The following SRGAP2 variants were observed in gnomAD, a reference collection of about 807,000 sequenced individuals.
The protein encoded by SRGAP2 is SLIT-ROBO Rho GTPase-activating protein 2.
Under a neutral mutation model 57.2 loss-of-function variants are expected in SRGAP2, and 15 were observed. That is an observed-to-expected ratio of 0.26 (90% CI 0.18 to 0.40). SRGAP2 has a LOEUF of 0.40. SRGAP2 is among the 10% of genes least tolerant of loss of function. SRGAP2 has a pLI of 1.00. For synonymous variants in SRGAP2, 249 were observed against 248.0 expected (o/e 1.00, Z -0.04); for missense variants, 520 against 669.6 (o/e 0.78, Z 2.47).
At chr1:206,439,342 G>C (rs1662062302) in intron 16 of SRGAP2, among the ~76,000 whole-genome samples, 1 of 151,702 alleles carries the variant, frequency 6.6e-6, no homozygotes, top group Non-Finnish European at 1.5e-5. Context: ...CATACCCAGG[G>C]GCCTGCTACC....
chr1:206,460,487 GC>G (rs1553380093), intron 22 of SRGAP2, among the ~76,000 whole-genome samples: 2 of 152,132 alleles, frequency 1.3e-5, no homozygotes, highest in Admixed American at 1.3e-4. Flanking sequence ...GGGAGGAGGG[GC>G]GGGGGGAGGC....
intron 2 of SRGAP2, among the ~76,000 whole-genome samples, chr1:206,240,079 C>G (rs562216572): frequency 4.6e-5 from 7 of 152,000 alleles, no homozygotes; most frequent in African/African-American, 1.7e-4. Flanking sequence ...GCCTGACTAA[C>G]ATGGTGAAAC....
At chr1:206,313,727 T>C (rs1672843792) in intron 3 of SRGAP2, among the ~76,000 whole-genome samples, 1 of 152,144 alleles carries the variant, frequency 6.6e-6, no homozygotes, top group South Asian at 2.1e-4. Flanking sequence ...GGTAGTTTGC[T>C]AAATGACAAG....
intron 9 of SRGAP2, among the ~76,000 whole-genome samples, chr1:206,406,086 ATAT>A (rs1446637043): frequency 1.9e-5 from 1 of 51,288 alleles, no homozygotes; most frequent in African/African-American, 8.2e-5. Flanking sequence ...TTGTTATATA[ATAT>A]TATAATAATG....
intron 2 of SRGAP2, among the ~76,000 whole-genome samples, chr1:206,254,441 GT>G (rs1210491700): frequency 7.1e-6 from 1 of 140,134 alleles, no homozygotes; most frequent in Non-Finnish European, 1.5e-5. Context: ...GTGACCAATA[GT>G]TTTTTTTCCT....
rs1663654185 is a variant in SRGAP2, at chr1:206,454,609, C to T, written c.2361-269C>T. The T allele has an allele frequency of 4.4e-6, 2 of 457,680 alleles. No homozygotes were observed. Among genetic ancestry groups the T allele is most frequent in the South Asian group, 3.2e-5 (1 of 30,840 alleles). 28.4% of individuals were successfully genotyped at this position (457,680 alleles called of 1,614,324 possible). ...AGCATGGGGTAGAAGGCAGATGCCT[C>T]GAATCCAGGTGTCCCCTAGCCACGC... On this transcript the variant is annotated intron_variant, in intron 20 of 22. Coordinates refer to ENST00000573034, the MANE Select transcript of SRGAP2 (RefSeq NM_015326.5). This position sits in a 1 kb window ranked among gnomAD's most constrained non-coding sequence, Gnocchi z 4.3.
At position 206,454,817 on chromosome 1, in the gene SRGAP2, G is replaced by T. The variant is rs984204284; in HGVS notation, c.2361-61G>T. On this transcript the variant is annotated intron_variant, in intron 20 of 22. Transcript: ENST00000573034. The surrounding 1 kb of genome is among the most constrained non-coding windows in gnomAD (Gnocchi z 4.3). The stretch of plus-strand genomic sequence containing the variant: ...CGGGGGGCCATCTTGCCGATTTAAC[G>T]CTGCTTTTTGTGTTGTTGTTGTTTT... The T allele has an allele frequency of 4.3e-6, 3 of 703,522 alleles. No individual in the cohort carries two copies. The highest frequency in any genetic ancestry group is 1.8e-5 in the African/African-American group (1 of 56,900). The allele number at this position is 703,522 out of a possible 1,614,324, so 43.6% of individuals were successfully genotyped here.
At chr1:206,442,153 G>A (rs1375367011) in intron 17 of SRGAP2, among the ~76,000 whole-genome samples, 4 of 152,044 alleles carry the variant, frequency 2.6e-5, no homozygotes, top group Non-Finnish European at 4.4e-5. Context: ...CCTTTTCTGG[G>A]GCACCCACAC....
chr1:206,385,286 T>C (rs1656099209), intron 5 of SRGAP2, among the ~76,000 whole-genome samples: 1 of 150,496 alleles, frequency 6.6e-6, no homozygotes, highest in South Asian at 2.1e-4. Context: ...GTTAAGAGGT[T>C]TTAAAAATAG....
Position 206,283,539 on chromosome 1 carries a change from TGGC to T in SRGAP2, c.68-19741_68-19739del, listed in dbSNP as rs1389707929. Among the ~76,000 whole-genome samples, 14 of 149,404 alleles carry T rather than the reference TGGC, an allele frequency of 9.4e-5. No individual in the cohort carries two copies. In the East Asian group the frequency reaches 2.8e-3, roughly 30 times the overall value. ...AAATACAAAAATTAGCCGGGCATGG[TGGC>T]ACACCATTGTAATTCCAGCTACTCG... On this transcript the variant is annotated intron_variant, in intron 2 of 22. Transcript: ENST00000573034.
chr1:206,428,435 A>AT (rs1661002550), intron 13 of SRGAP2, among the ~76,000 whole-genome samples: 1 of 151,778 alleles, frequency 6.6e-6, no homozygotes, highest in African/African-American at 2.4e-5. Context: ...AAAAAAAAAA[A>AT]AAAGAAAAAG....
At chr1:206,340,213 G>A (rs552469) in intron 3 of SRGAP2, among the ~76,000 whole-genome samples, 1,864 of 147,070 alleles carry the variant, frequency 0.013, 30 homozygotes, top group East Asian at 0.043. Flanking sequence ...ACACCCTGGG[G>A]ATATGTGCTC....
chr1:206,249,699 A>G (rs1212513149), intron 2 of SRGAP2, among the ~76,000 whole-genome samples: 1 of 151,840 alleles, frequency 6.6e-6, no homozygotes, highest in Non-Finnish European at 1.5e-5. Flanking sequence ...CTATGTAACA[A>G]ACCTGCACAT....
Position 206,453,297 on chromosome 1 carries a change from G to A in SRGAP2, c.2277G>A (p.Gln759=), listed in dbSNP as rs1553376820. 5.3e-6 allele frequency: 4 copies of A among 761,796 alleles called. No individual in the cohort carries two copies. The Admixed American group carries it at 7.0e-5, about 13-fold the overall frequency. The allele number at this position is 761,796 out of a possible 1,614,324, so 47.2% of individuals were successfully genotyped here. The change falls in exon 20 of 23, where the codon CAG becomes CAA. Residue 759 remains glutamine (Q), a synonymous_variant. Coordinates refer to ENST00000573034, the MANE Select transcript of SRGAP2 (RefSeq NM_015326.5). ...AGGGAGCATCCCTGCTGCTTTACCA[G>A]CGGGCTTCCGACGACTGGTGGGAAG... ...FKKGASLLLY[Q]RASDDWWEGR... is the part of the protein sequence containing the mutation.
chr1:206,289,239 C>T (rs1671174043), intron 2 of SRGAP2, among the ~76,000 whole-genome samples: 2 of 134,588 alleles, frequency 1.5e-5, no homozygotes, highest in Non-Finnish European at 3.2e-5. Flanking sequence ...TATAATTTAT[C>T]TTTGAATATT....
rs1553380818 is a variant in SRGAP2 at position 206,461,558 on chromosome 1, T to G, written c.*138T>G. ...TCTTGCAGGAATTAGCCTCCCCGTC[T>G]CCCAAAACCTTGAGAATGAAGCCCT... is the stretch of plus-strand genomic sequence containing the variant. On this transcript the variant is annotated 3_prime_UTR_variant, in exon 23 of 23. Coordinates refer to ENST00000573034, the MANE Select transcript of SRGAP2 (RefSeq NM_015326.5). The G allele has an allele frequency of 1.6e-6, 1 of 643,976 alleles. No homozygotes were observed. Among genetic ancestry groups the G allele is most frequent in the African/African-American group, 1.8e-5 (1 of 55,166 alleles). 39.9% of individuals were successfully genotyped at this position (643,976 alleles called of 1,614,324 possible). A position where few individuals can be genotyped will look rare whatever the true frequency, so the allele number is the denominator to read the frequency against.
intron 4 of SRGAP2, among the ~76,000 whole-genome samples, chr1:206,371,569 A>G (rs1477352340): frequency 6.7e-6 from 1 of 149,964 alleles, no homozygotes; most frequent in African/African-American, 2.5e-5. Flanking sequence ...TCTCTACTAA[A>G]AATACAAAAA....
chr1:206,343,239 A>AGGCTTTCCACTG (rs1156700699), intron 4 of SRGAP2, among the ~76,000 whole-genome samples: 4 of 151,892 alleles, frequency 2.6e-5, no homozygotes, highest in Non-Finnish European at 5.9e-5. Flanking sequence ...CCCACTTCAT[A>AGGCTTTCCACTG]GGCTTTCCAC....
chr1:206,347,900 T>A (rs1553337312), intron 4 of SRGAP2, among the ~76,000 whole-genome samples: 1 of 151,568 alleles, frequency 6.6e-6, no homozygotes, highest in African/African-American at 2.4e-5. Context: ...GGGCAGCATG[T>A]TTATACTCCC....
Sources: allele counts gnomAD v4.1 joint callset (sites outside exome capture counted in the v4.1 genomes callset), GRCh38; gene constraint gnomAD v4.1.1; non-coding constraint Gnocchi (gnomAD v3.1); transcripts MANE v1.5; gene names NCBI Gene and HGNC (gene_info 2026-07-23, HGNC 2026-07-21).